GRAMD4: variants seen among roughly 807,000 people sequenced by gnomAD.
The protein encoded by GRAMD4 is GRAM domain containing 4.
In GRAMD4, 25 loss-of-function variants were observed where a neutral mutation model predicts 83.9. The ratio of observed to expected loss-of-function variants is 0.30; its 90% CI spans 0.22 to 0.42. GRAMD4 has a LOEUF of 0.42. Ranked by LOEUF, GRAMD4 falls within the 10% of genes least tolerant of loss-of-function variation. The pLI is 1.00. For synonymous variants in GRAMD4, 336 were observed against 320.9 expected (o/e 1.05, Z -0.50); for missense variants, 593 against 788.7 (o/e 0.75, Z 2.97).
At position 46,674,744 on chromosome 22, in the gene GRAMD4, C is replaced by T. The variant is rs781416256; in HGVS notation, c.1472C>T (p.Thr491Met). 2 of 1,607,072 alleles carry T rather than the reference C, an allele frequency of 1.2e-6. No homozygotes were observed. Among genetic ancestry groups the T allele is most frequent in the Non-Finnish European group, 1.7e-6 (2 of 1,174,498 alleles). The change falls in exon 16 of 19, where the codon ACG (threonine) becomes ATG (methionine). Residue 491 changes from threonine to methionine, a missense_variant. Physicochemically the swap from Thr to Met is moderately conservative, Grantham distance 81. This residue lies in a region of GRAMD4 where 74 missense variants were observed against 152.7 expected (regional missense o/e 0.48). Transcript: ENST00000406902. ...ATCAGGAACGGGGTGCTCTACGTCA[C>T]GGAGAAGTGAGTGCAGCCGTGGGGC... is the stretch of plus-strand genomic sequence containing the variant. ...DYIRNGVLYV[T>M]ENYLCFESSK...
downstream of GRAMD4, chr22:46,682,268 C>T (rs1166370810): frequency 1.3e-5 from 3 of 233,120 alleles, no homozygotes; most frequent in African/African-American, 7.0e-5. Context: ...CCCCTGCCAT[C>T]CTCTCTGCTC....
intron 1 of GRAMD4, among the ~76,000 whole-genome samples, chr22:46,588,234 A>T (rs931186665): frequency 1.6e-4 from 25 of 151,886 alleles, no homozygotes; most frequent in Middle Eastern, 3.4e-3. Flanking sequence ...AAGCCAGGTA[A>T]CCCCAGTGAC....
At chr22:46,582,086 G>T (rs2081104004) in intron 1 of GRAMD4, among the ~76,000 whole-genome samples, 1 of 152,268 alleles carries the variant, frequency 6.6e-6, no homozygotes, top group African/African-American at 2.4e-5. Context: ...GTGGGGCTGG[G>T]TGTGGAGGCC....
chr22:46,677,800 G>C lies in GRAMD4; in HGVS notation c.*549G>C. Reference sequence around the variant, plus strand: ...CCTTCCTCTTACATGAGACCCTCCTGTGGCATTTGCCCTTGGTGCCGGGCT... The same window carrying C: ...CCTTCCTCTTACATGAGACCCTCCTCTGGCATTTGCCCTTGGTGCCGGGCT... On this transcript the variant is annotated 3_prime_UTR_variant, in exon 19 of 19. Coordinates refer to ENST00000406902, the MANE Select transcript of GRAMD4 (RefSeq NM_015124.5). 2 of 985,658 alleles carry C rather than the reference G, an allele frequency of 2.0e-6. No individual in the cohort carries two copies. Among genetic ancestry groups the C allele is most frequent in the Non-Finnish European group, 2.4e-6 (2 of 830,136 alleles). The allele number at this position is 985,658 out of a possible 1,614,324, so 61.1% of individuals were successfully genotyped here. A position where few individuals can be genotyped will look rare whatever the true frequency, so the allele number is the denominator to read the frequency against.
intron 1 of GRAMD4, among the ~76,000 whole-genome samples, chr22:46,610,931 C>G (rs2081410705): frequency 6.6e-6 from 1 of 152,172 alleles, no homozygotes; most frequent in Non-Finnish European, 1.5e-5. Context: ...AACATCTTTG[C>G]AGGCCGGGAG....
In GRAMD4 at chr22:46,677,302, C is replaced by CTTTTT; in HGVS notation, c.*60_*64dup. On this transcript the variant is annotated 3_prime_UTR_variant, in exon 19 of 19. Transcript: ENST00000406902. ...GAATTTTCTTTTTCTTTTTCTTTTT[C>CTTTTT]TTTTTTTTTTTTTACGATTTGGTAG... is the stretch of plus-strand genomic sequence containing the variant. The CTTTTT allele has an allele frequency of 9.0e-6, 12 of 1,340,564 alleles. No homozygotes were observed. The highest frequency in any genetic ancestry group is 6.0e-5 in the African/African-American group (4 of 66,180). The allele number at this position is 1,340,564 out of a possible 1,614,324, so 83.0% of individuals were successfully genotyped here.
chr22:46,677,292 T>A lies in GRAMD4; in HGVS notation c.*41T>A, dbSNP rs370777720. 6.4e-7 allele frequency: 1 copy of A among 1,561,488 alleles called. No individual in the cohort carries two copies. The highest frequency in any genetic ancestry group is 1.4e-5 in the African/African-American group (1 of 70,474). The stretch of plus-strand genomic sequence containing the variant: ...GACGTTGCTGGAATTTTCTTTTTCT[T>A]TTTCTTTTTCTTTTTTTTTTTTTAC... On this transcript the variant is annotated 3_prime_UTR_variant, in exon 19 of 19. Transcript: ENST00000406902.
intron 3 of GRAMD4, among the ~76,000 whole-genome samples, chr22:46,650,609 C>T (rs374467731): frequency 6.3e-4 from 96 of 152,350 alleles, no homozygotes; most frequent in African/African-American, 2.0e-3. Flanking sequence ...CCCTTCTCCT[C>T]GCAGATGCTG....
At chr22:46,660,313 C>T (rs369361655) in intron 4 of GRAMD4, among the ~76,000 whole-genome samples, 7 of 152,184 alleles carry the variant, frequency 4.6e-5, no homozygotes, top group East Asian at 3.9e-4. Flanking sequence ...TACATGGGGG[C>T]GGCGCTTAGG....
chr22:46,610,568 C>G (rs1463510088), intron 1 of GRAMD4, among the ~76,000 whole-genome samples: 2 of 152,222 alleles, frequency 1.3e-5, no homozygotes, highest in Admixed American at 1.3e-4. Context: ...AGGAGCCGCT[C>G]CCTGTGCCTT....
At chr22:46,664,758 G>A (rs965740572) in intron 8 of GRAMD4, among the ~76,000 whole-genome samples, 9 of 152,220 alleles carry the variant, frequency 5.9e-5, no homozygotes, top group African/African-American at 2.2e-4. Flanking sequence ...TGCTTGCTAG[G>A]GCCTCCAGGC....
At position 46,662,658 on chromosome 22, in the gene GRAMD4, G is replaced by A. The variant is rs544615149; in HGVS notation, c.467-382G>A. 2.3e-4 allele frequency among the ~76,000 whole-genome samples: 35 copies of A among 152,318 alleles called. No individual in the cohort carries two copies. The South Asian group carries it at 6.8e-3, about 30-fold the overall frequency. On this transcript the variant is annotated intron_variant, in intron 5 of 18. Transcript: ENST00000406902. ...TCCATCTGCTTTCTGACAACCCGGA[G>A]GTAGAAAGGGGGTTTGATGCAGACG...
chr22:46,582,741 T>C (rs2081110271), intron 1 of GRAMD4, among the ~76,000 whole-genome samples: 2 of 152,194 alleles, frequency 1.3e-5, no homozygotes, highest in African/African-American at 4.8e-5. Flanking sequence ...TCAGCGTCTT[T>C]ATTGAGGTGT....
chr22:46,579,056 C>T (rs899438392), intron 1 of GRAMD4, among the ~76,000 whole-genome samples: 1 of 152,252 alleles, frequency 6.6e-6, no homozygotes, highest in Non-Finnish European at 1.5e-5. Flanking sequence ...AGCCATGCAG[C>T]CTGGGGGCAG....
intron 1 of GRAMD4, among the ~76,000 whole-genome samples, chr22:46,625,319 T>C (rs184154450): frequency 1.3e-5 from 2 of 152,316 alleles, no homozygotes; most frequent in Admixed American, 1.3e-4. Context: ...TAATGAGTCT[T>C]CTTGCCACGA....
intron 4 of GRAMD4, 66 bp downstream of exon 4, chr22:46,658,373 C>G: frequency 6.9e-7 from 1 of 1,441,698 alleles, no homozygotes; most frequent in Non-Finnish European, 9.4e-7. Context: ...CCACCCGCCC[C>G]GCCGTCCTCT....
In GRAMD4 at chr22:46,678,079, T is replaced by C; in HGVS notation, c.*828T>C. ...GTAAAAGCACATCTTTCTCACACTT[T>C]GCTCTTTGGAAGGCCCAGGAGAACA... On this transcript the variant is annotated 3_prime_UTR_variant, in exon 19 of 19. Transcript: ENST00000406902. 1 of 985,552 alleles carries C rather than the reference T, an allele frequency of 1.0e-6. No homozygotes were observed. The highest frequency in any genetic ancestry group is 1.2e-6 in the Non-Finnish European group (1 of 830,024). 61.1% of individuals were successfully genotyped at this position (985,552 alleles called of 1,614,324 possible).
chr22:46,653,228 G>A (rs576358352), intron 3 of GRAMD4, among the ~76,000 whole-genome samples: 1 of 152,364 alleles, frequency 6.6e-6, no homozygotes, highest in Non-Finnish European at 1.5e-5. Flanking sequence ...TGAGGGGGCC[G>A]TGCCGCCCGC....
At chr22:46,611,861 G>A (rs1341460956) in intron 1 of GRAMD4, among the ~76,000 whole-genome samples, 2 of 150,966 alleles carry the variant, frequency 1.3e-5, no homozygotes, top group African/African-American at 4.9e-5. Context: ...GCCGGGCATG[G>A]TGGGGGGCAC....
Sources: gnomAD v4.1 joint callset for allele counts (sites outside exome capture counted in the v4.1 genomes callset) on GRCh38, gnomAD v4.1.1 for gene constraint, gnomAD v4.1.1 regional missense constraint, MANE v1.5 for transcripts, NCBI Gene and HGNC (gene_info 2026-07-23, HGNC 2026-07-21) for gene names.